The following FBXO34 variants were observed in gnomAD, a reference collection of about 807,000 sequenced individuals.
FBXO34 encodes F-box protein 34, also known as F-box only protein 34.
Under a neutral mutation model 24.5 loss-of-function variants are expected in FBXO34, and 12 were observed. That is an observed-to-expected ratio of 0.49 (90% CI 0.31 to 0.79). The LOEUF (loss-of-function observed/expected upper bound fraction) is 0.79, where lower values mean the gene tolerates loss of function less well. Among genes scored for constraint, FBXO34 ranks in the 30% least tolerant of loss-of-function variants. The pLI, the probability that FBXO34 is intolerant of heterozygous loss-of-function variation, is 0.04. For missense variants in FBXO34, 823 were observed against 857.7 expected, an observed-to-expected ratio of 0.96 and a Z score of 0.51; for synonymous variants, 320 against 311.9, an observed-to-expected ratio of 1.03 and a Z score of -0.27.
chr14:55,274,445 G>T (rs138503005), intron 1 of FBXO34, among the ~76,000 whole-genome samples: 1 of 152,062 alleles, frequency 6.6e-6, no homozygotes, highest in Non-Finnish European at 1.5e-5. Context: ...TCCAGTTTTG[G>T]GTCTGGGAAG....
chr14:55,323,205 A>AT (rs1883211754), intron 1 of FBXO34, among the ~76,000 whole-genome samples: 1 of 49,888 alleles, frequency 2.0e-5, no homozygotes, highest in African/African-American at 2.4e-4. Context: ...AAAAAAAAAA[A>AT]AAAAAAAAAA....
At position 55,331,717 on chromosome 14, in the gene FBXO34, GTA is replaced by G. The variant is rs1222853863; in HGVS notation, c.-10-18654_-10-18653del. ...TATATATATATATGTATATATATAT[GTA>G]TATATATATGTATATATATATGTGT... is the stretch of plus-strand genomic sequence containing the variant. On this transcript the variant is annotated intron_variant, in intron 1 of 1. Coordinates refer to ENST00000313833, the MANE Select transcript of FBXO34 (RefSeq NM_017943.4). Among the ~76,000 whole-genome samples, 154 of 30,606 alleles carry G rather than the reference GTA, an allele frequency of 5.0e-3. 42 individuals are homozygous for G. Among genetic ancestry groups the G allele is most frequent in the African/African-American group, 0.023 (52 of 2,248 alleles). 20.1% of individuals were successfully genotyped at this position (30,606 alleles called of 152,430 possible). A position where few individuals can be genotyped will look rare whatever the true frequency, so the allele number is the denominator to read the frequency against.
At chr14:55,395,356 T>TGTTC in the FBXO34 span, 1 of 208,494 alleles carries the variant, frequency 4.8e-6, no homozygotes, top group Non-Finnish European at 9.6e-6. Flanking sequence ...TTAAATTTTT[T>TGTTC]GTTTGTTTGT....
downstream of FBXO34, among the ~76,000 whole-genome samples, chr14:55,358,014 C>T (rs72717724): frequency 0.025 from 3,820 of 152,178 alleles, 115 homozygotes; most frequent in African/African-American, 0.066. Context: ...GGAGCCAGGC[C>T]TGGCCCACCC....
chr14:55,339,772 C>A (rs928381615), intron 1 of FBXO34, among the ~76,000 whole-genome samples: 5 of 152,162 alleles, frequency 3.3e-5, no homozygotes, highest in African/African-American at 1.2e-4. Flanking sequence ...TTTCTGTTGA[C>A]CATAAATCTC....
chr14:55,283,982 G>GTGTC lies in FBXO34; in HGVS notation c.-11+12448_-11+12449insCTGT, dbSNP rs1555334943. On this transcript the variant is annotated intron_variant, in intron 1 of 1. Coordinates refer to ENST00000313833, the MANE Select transcript of FBXO34 (RefSeq NM_017943.4). ...TGTGTGTGTGTGTGTGTGTCTGTGT[G>GTGTC]TGTGTGTATGTGTATGTATGTGTAT... is the stretch of plus-strand genomic sequence containing the variant. Among the ~76,000 whole-genome samples, 514 of 149,906 alleles carry GTGTC rather than the reference G, an allele frequency of 3.4e-3. 1 individual carries two copies. The highest frequency in any genetic ancestry group is 8.8e-3 in the African/African-American group (352 of 40,040).
intron 1 of FBXO34, among the ~76,000 whole-genome samples, chr14:55,341,675 T>C (rs1164052313): frequency 1.3e-5 from 2 of 152,228 alleles, no homozygotes; most frequent in Non-Finnish European, 2.9e-5. Context: ...TAACTTTTTA[T>C]GAGGTTTCAT....
the FBXO34 span, chr14:55,385,884 T>C: frequency 6.8e-6 from 11 of 1,612,124 alleles, no homozygotes; most frequent in Admixed American, 1.7e-5. Context: ...ACTTCCTCGA[T>C]TGGAAAAATG....
chr14:55,429,562 G>A, the FBXO34 span, among the ~76,000 whole-genome samples: 1 of 152,118 alleles, frequency 6.6e-6, no homozygotes, highest in Non-Finnish European at 1.5e-5. Context: ...ACAGTAGCTC[G>A]AGACCGGCCT....
chr14:55,375,698 T>G, the FBXO34 span, among the ~76,000 whole-genome samples: 1 of 152,056 alleles, frequency 6.6e-6, no homozygotes, highest in African/African-American at 2.4e-5. Flanking sequence ...GTTCAATAAT[T>G]ATACCATCTA....
intron 1 of FBXO34, among the ~76,000 whole-genome samples, chr14:55,296,380 G>GTGTTTTTTT (rs1175579530): frequency 2.7e-4 from 32 of 119,252 alleles, no homozygotes; most frequent in Middle Eastern, 4.2e-3. Context: ...TGCTGTTCTT[G>GTGTTTTTTT]TGTTTTTTTT....
the FBXO34 span, chr14:55,436,669 T>C: frequency 6.2e-7 from 1 of 1,614,252 alleles, no homozygotes; most frequent in Non-Finnish European, 8.5e-7. Flanking sequence ...AGGAGAGGGC[T>C]GGACTGAGTC....
intron 1 of FBXO34, among the ~76,000 whole-genome samples, chr14:55,301,330 G>C (rs768309412): frequency 1.3e-5 from 2 of 151,922 alleles, no homozygotes; most frequent in Non-Finnish European, 2.9e-5. Context: ...CTAGCTACTC[G>C]GGAGGCTGAG....
Position 55,331,707 on chromosome 14 carries a change from A to ATATATATATGTATATATATATG in FBXO34, c.-10-18664_-10-18643dup, listed in dbSNP as rs1566559392. On this transcript the variant is annotated intron_variant, in intron 1 of 1. Transcript: ENST00000313833. Reference sequence around the variant, plus strand: ...TATGTGTATATATATATATATATGTATATATATATGTATATATATATGTAT... The same window carrying ATATATATATGTATATATATATG: ...TATGTGTATATATATATATATATGTATATATATATGTATATATATATGTATATATATGTATATATATATGTAT... 6.1e-5 allele frequency among the ~76,000 whole-genome samples: 4 copies of ATATATATATGTATATATATATG among 65,970 alleles called. 1 individual carries two copies. The East Asian group carries it at 9.4e-4, about 16-fold the overall frequency. The allele number at this position is 65,970 out of a possible 152,430, so 43.3% of individuals were successfully genotyped here.
Position 55,331,727 on chromosome 14 carries a change from A to ATATATATG in FBXO34, c.-10-18653_-10-18652insATATATGT. Among the ~76,000 whole-genome samples the ATATATATG allele has an allele frequency of 4.0e-5, 2 of 49,842 alleles. 1 individual carries two copies. Among genetic ancestry groups the ATATATATG allele is most frequent in the African/African-American group, 3.9e-4 (2 of 5,068 alleles). The allele number at this position is 49,842 out of a possible 152,430, so 32.7% of individuals were successfully genotyped here. A position where few individuals can be genotyped will look rare whatever the true frequency, so the allele number is the denominator to read the frequency against. On this transcript the variant is annotated intron_variant, in intron 1 of 1. Coordinates refer to ENST00000313833, the MANE Select transcript of FBXO34 (RefSeq NM_017943.4). ...TATGTATATATATATGTATATATAT[A>ATATATATG]TGTATATATATATGTGTGTATATAT...
Position 55,351,075 on chromosome 14 carries a change from T to G in FBXO34, c.685T>G (p.Cys229Gly). ...TCTGCTAGCTAGCTGTTCAAAAAAC[T>G]GCACAAACTCACCTGCAATTGTGAG... ...SALLASCSKN[C>G]TNSPAIVRFS... Residue 229 changes from cysteine (C) to glycine (G), a missense_variant, in exon 2 of 2, where the codon TGC becomes GGC. Around this residue, in one of 2 missense-constraint regions of FBXO34, gnomAD observed 693 missense variants for 659.1 expected, o/e 1.05. Transcript: ENST00000313833. 1 of 1,614,198 alleles carries G rather than the reference T, an allele frequency of 6.2e-7. No homozygotes were observed. Among genetic ancestry groups the G allele is most frequent in the Non-Finnish European group, 8.5e-7 (1 of 1,180,034 alleles).
chr14:55,404,707 T>C, the FBXO34 span, among the ~76,000 whole-genome samples: 3 of 152,190 alleles, frequency 2.0e-5, no homozygotes, highest in Admixed American at 2.0e-4. Flanking sequence ...CTTGGTTCAC[T>C]AGAGCACATA....
chr14:55,338,045 C>CTTTT (rs1480397645), intron 1 of FBXO34, among the ~76,000 whole-genome samples: 1 of 82,916 alleles, frequency 1.2e-5, no homozygotes, highest in Non-Finnish European at 2.2e-5. Flanking sequence ...AGAGTATGTA[C>CTTTT]TTCTTTTTTT....
downstream of FBXO34, chr14:55,369,910 T>C: frequency 6.2e-7 from 1 of 1,611,092 alleles, no homozygotes; most frequent in Non-Finnish European, 8.5e-7. Context: ...CTGCTCGTAC[T>C]TCAAAGGGCC....
Sources: gnomAD v4.1 joint callset for allele counts (sites outside exome capture counted in the v4.1 genomes callset) on GRCh38, gnomAD v4.1.1 for gene constraint, gnomAD v4.1.1 regional missense constraint, MANE v1.5 for transcripts, NCBI Gene and HGNC (gene_info 2026-07-23, HGNC 2026-07-21) for gene names.